The following SLC23A2 variants were observed in gnomAD, a reference collection of about 807,000 sequenced individuals.
The protein encoded by SLC23A2 is solute carrier family 23 member 2.
A neutral mutation model predicts 73.3 loss-of-function variants in SLC23A2; 36 were observed. The ratio of observed to expected loss-of-function variants is 0.49; its 90% CI spans 0.38 to 0.65. The LOEUF is 0.65. Ranked by LOEUF, SLC23A2 falls within the 30% of genes least tolerant of loss-of-function variation. The probability of loss-of-function intolerance (pLI) is 0.00; values close to 1 mark genes in which losing one functional copy is unlikely to be tolerated. For missense variants in SLC23A2, 507 were observed against 841.6 expected, an observed-to-expected ratio of 0.60 and a Z score of 4.92; for synonymous variants, 343 against 327.3, an observed-to-expected ratio of 1.05 and a Z score of -0.52.
chr20:4,958,845 G>A (rs1325166571), intron 2 of SLC23A2, among the ~76,000 whole-genome samples: 1 of 151,890 alleles, frequency 6.6e-6, no homozygotes, highest in Non-Finnish European at 1.5e-5. Context: ...GAGCAAGAAG[G>A]GCAAAAATCA....
At chr20:4,896,976 C>G (rs919081131) in intron 6 of SLC23A2, among the ~76,000 whole-genome samples, 1 of 152,178 alleles carries the variant, frequency 6.6e-6, no homozygotes, top group Admixed American at 6.5e-5. Context: ...CCCTTGGAGC[C>G]TGCAGGGCCT....
At chr20:4,900,125 C>T (rs1286703938) in intron 5 of SLC23A2, among the ~76,000 whole-genome samples, 1 of 151,976 alleles carries the variant, frequency 6.6e-6, no homozygotes, top group African/African-American at 2.4e-5. Flanking sequence ...CCTGCCTCTC[C>T]CTCTCCAAAG....
At chr20:4,950,502 C>T (rs923227174) in intron 2 of SLC23A2, among the ~76,000 whole-genome samples, 7 of 152,176 alleles carry the variant, frequency 4.6e-5, no homozygotes, top group Admixed American at 1.3e-4. Context: ...CTGATTCCTA[C>T]TGAACAGTGG....
intron 9 of SLC23A2, among the ~76,000 whole-genome samples, chr20:4,880,293 C>CTAA (rs950204759): frequency 5.9e-4 from 90 of 152,286 alleles, no homozygotes; most frequent in African/African-American, 2.0e-3. Context: ...CCCAGGGCTT[C>CTAA]TTTTAGGAAT....
In SLC23A2 at chr20:4,902,363, T is replaced by C. The variant is rs60963214; in HGVS notation, c.324+79A>G. ...AGTCTTCAATAAACAAAAACCAAAG[T>C]GGAATTTTTAAACAATTCCAGATGG... is the stretch of plus-strand genomic sequence containing the variant. On this transcript the variant is annotated intron_variant, in intron 5 of 16. Coordinates refer to ENST00000338244, the MANE Select transcript of SLC23A2 (RefSeq NM_005116.6). The surrounding 1 kb of genome is among the most constrained non-coding windows in gnomAD (Gnocchi z 4.0). 2.3e-3 allele frequency: 1,851 copies of C among 812,492 alleles called. 29 individuals are homozygous for C. The African/African-American group carries it at 0.029, about 13-fold the overall frequency. The allele number at this position is 812,492 out of a possible 1,614,324, so 50.3% of individuals were successfully genotyped here.
rs1036021811 is a variant in SLC23A2, at chr20:4,902,224, G to C, written c.324+218C>G. ...TTGCCATGTTACCCAGGCTGGTCTT[G>C]AGCTCCTAGGCTCCAGTGATCTGCC... is the stretch of plus-strand genomic sequence containing the variant. On this transcript the variant is annotated intron_variant, in intron 5 of 16. Coordinates refer to ENST00000338244, the MANE Select transcript of SLC23A2 (RefSeq NM_005116.6). This position sits in a 1 kb window ranked among gnomAD's most constrained non-coding sequence, Gnocchi z 4.0. Among the ~76,000 whole-genome samples the C allele has an allele frequency of 6.6e-6, 1 of 152,252 alleles. No individual in the cohort carries two copies. Among genetic ancestry groups the C allele is most frequent in the Non-Finnish European group, 1.5e-5 (1 of 68,018 alleles).
chr20:4,862,537 C>A lies in SLC23A2; in HGVS notation c.1486+241G>T, dbSNP rs536519850. Among the ~76,000 whole-genome samples, 8 of 152,240 alleles carry A rather than the reference C, an allele frequency of 5.3e-5. No homozygotes were observed. The highest frequency in any genetic ancestry group is 1.9e-4 in the African/African-American group (8 of 41,552). Reference sequence around the variant, plus strand: ...ATTTGAGTTAAATTGGTCAGAAATACTAAAGAGATTAAATTTAATTGAAAT... The same window carrying A: ...ATTTGAGTTAAATTGGTCAGAAATAATAAAGAGATTAAATTTAATTGAAAT... On this transcript the variant is annotated intron_variant, in intron 14 of 16. Transcript: ENST00000338244. The surrounding 1 kb of genome is among the most constrained non-coding windows in gnomAD (Gnocchi z 5.1).
chr20:4,922,545 A>G (rs950296482), intron 3 of SLC23A2, among the ~76,000 whole-genome samples: 1 of 152,186 alleles, frequency 6.6e-6, no homozygotes, highest in African/African-American at 2.4e-5. Context: ...AAGAGGTGAG[A>G]GGCCGGGCAC....
Position 4,870,096 on chromosome 20 carries a change from C to A in SLC23A2, c.1103-43G>T. On this transcript the variant is annotated intron_variant, in intron 11 of 16. Transcript: ENST00000338244. The stretch of plus-strand genomic sequence containing the variant: ...CCATGAATGCTCCTAGAGAGGCAGG[C>A]GAAAGTGACCAGGACCAGTTACCCA... 3 of 1,520,102 alleles carry A rather than the reference C, an allele frequency of 2.0e-6. No individual in the cohort carries two copies. In the South Asian group the frequency reaches 3.9e-5, roughly 20 times the overall value. The allele number at this position is 1,520,102 out of a possible 1,614,324, so 94.2% of individuals were successfully genotyped here.
At chr20:4,957,649 C>T (rs1373882342) in intron 2 of SLC23A2, among the ~76,000 whole-genome samples, 1 of 151,570 alleles carries the variant, frequency 6.6e-6, no homozygotes, top group African/African-American at 2.4e-5. Context: ...ACCTGTAATC[C>T]CAGCACTTTG....
At chr20:4,867,916 G>C in intron 12 of SLC23A2, 41 bp from the exon 13 acceptor site, 1 of 1,153,008 alleles carries the variant, frequency 8.7e-7, no homozygotes, top group Non-Finnish European at 1.3e-6. Flanking sequence ...TCATTCAATG[G>C]GATAATGCAT....
intron 2 of SLC23A2, among the ~76,000 whole-genome samples, chr20:4,940,453 A>G (rs1341327711): frequency 1.3e-5 from 2 of 152,152 alleles, no homozygotes; most frequent in African/African-American, 4.8e-5. Context: ...AGTAACTATT[A>G]GTCATTAAAA....
intron 6 of SLC23A2, among the ~76,000 whole-genome samples, chr20:4,895,845 G>C (rs918124710): frequency 1.3e-5 from 2 of 152,206 alleles, no homozygotes; most frequent in African/African-American, 4.8e-5. Flanking sequence ...CCAAGTACCA[G>C]AGGGGGCCTC....
In SLC23A2 at chr20:4,868,009, A is replaced by T; in HGVS notation, c.1251-134T>A. On this transcript the variant is annotated intron_variant, in intron 12 of 16. Coordinates refer to ENST00000338244, the MANE Select transcript of SLC23A2 (RefSeq NM_005116.6). This position sits in a 1 kb window ranked among gnomAD's most constrained non-coding sequence, Gnocchi z 4.4. ...GCTTCCACATCTCCTGGGAGCTGGG[A>T]GGGCGATTAAAAATACAATCTCAGA... 1 of 442,464 alleles carries T rather than the reference A, an allele frequency of 2.3e-6. No individual in the cohort carries two copies. Among genetic ancestry groups the T allele is most frequent in the Non-Finnish European group, 4.1e-6 (1 of 245,298 alleles). The allele number at this position is 442,464 out of a possible 1,614,324, so 27.4% of individuals were successfully genotyped here.
At chr20:4,870,412 A>G (rs1397830730) in intron 11 of SLC23A2, among the ~76,000 whole-genome samples, 1 of 152,106 alleles carries the variant, frequency 6.6e-6, no homozygotes, top group African/African-American at 2.4e-5. Context: ...CCCCATCTCT[A>G]CTAAAAATAC....
At chr20:4,992,082 C>A (rs1164607715) in intron 1 of SLC23A2, among the ~76,000 whole-genome samples, 1 of 152,040 alleles carries the variant, frequency 6.6e-6, no homozygotes, top group East Asian at 1.9e-4. Context: ...TACACTCAAG[C>A]CTGGGGGACA....
chr20:4,975,637 T>G (rs2087632549), intron 1 of SLC23A2, among the ~76,000 whole-genome samples: 1 of 151,498 alleles, frequency 6.6e-6, no homozygotes, highest in African/African-American at 2.4e-5. Flanking sequence ...TGTCTTGGCC[T>G]CCCAAAGTGC....
At chr20:4,990,571 C>A (rs1003243140) in intron 1 of SLC23A2, among the ~76,000 whole-genome samples, 8 of 148,252 alleles carry the variant, frequency 5.4e-5, no homozygotes, top group African/African-American at 2.0e-4. Flanking sequence ...GGGGGTTTCA[C>A]CATGTTGGCC....
Position 4,983,646 on chromosome 20 carries a change from T to TAAAAAAA in SLC23A2, c.-281-12734_-281-12728dup, listed in dbSNP as rs35983102. Among the ~76,000 whole-genome samples the TAAAAAAA allele has an allele frequency of 5.8e-5, 5 of 86,192 alleles. 1 individual carries two copies. Among genetic ancestry groups the TAAAAAAA allele is most frequent in the Non-Finnish European group, 1.2e-4 (5 of 42,922 alleles). The allele number at this position is 86,192 out of a possible 152,430, so 56.5% of individuals were successfully genotyped here. ...GGGTGACAAAGCAAGACTCCGTCTT[T>TAAAAAAA]AAAAAAAAAAAAAAAAAAAAGACAC... On this transcript the variant is annotated intron_variant, in intron 1 of 16. Transcript: ENST00000338244.
Sources: gnomAD v4.1 joint callset for allele counts (sites outside exome capture counted in the v4.1 genomes callset) on GRCh38, gnomAD v4.1.1 for gene constraint, Gnocchi (gnomAD v3.1) non-coding constraint, MANE v1.5 for transcripts, NCBI Gene and HGNC (gene_info 2026-07-23, HGNC 2026-07-21) for gene names.